The following NTMT2 variants were observed in gnomAD, a reference collection of about 807,000 sequenced individuals.
The protein encoded by NTMT2 is N-terminal Xaa-Pro-Lys N-methyltransferase 2.
NTMT2 carries 21 observed loss-of-function variants against 23.4 expected under a neutral mutation model. The observed-to-expected ratio is 0.90, with a 90% CI of 0.64 to 1.29. NTMT2 has a LOEUF of 1.29. Among genes scored for constraint, NTMT2 ranks in the 50% most tolerant of loss-of-function variants. NTMT2 has a pLI of 0.00. For synonymous variants in NTMT2, 131 were observed against 127.7 expected (o/e 1.03, Z -0.17); for missense variants, 336 against 352.0 (o/e 0.95, Z 0.36).
chr1:170,152,715 C>CT (rs942542735), intron 1 of NTMT2, among the ~76,000 whole-genome samples: 4 of 152,056 alleles, frequency 2.6e-5, no homozygotes, highest in South Asian at 4.1e-4. Flanking sequence ...AAATCCCCCC[C>CT]CCACCACCAT....
rs1297735989 is a variant in NTMT2 at position 170,160,569 on chromosome 1, A to G, written c.206A>G (p.Tyr69Cys). The change falls in exon 2 of 4, where the codon TAT becomes TGT. Residue 69 changes from tyrosine to cysteine, a missense_variant. Coordinates refer to ENST00000439373, the MANE Select transcript of NTMT2 (RefSeq NM_001136107.2). Reference protein sequence around the residue: ...SQVINGEMQFYARAKLFYQEV... With the variant: ...SQVINGEMQFCARAKLFYQEV... The stretch of plus-strand genomic sequence containing the variant: ...GTCATCAATGGTGAGATGCAGTTCT[A>G]TGCCAGAGCTAAACTTTTCTACCAA... The G allele has an allele frequency of 7.7e-6, 12 of 1,551,204 alleles. No homozygotes were observed. In the African/African-American group the frequency reaches 1.6e-4, roughly 21 times the overall value.
intron 2 of NTMT2, among the ~76,000 whole-genome samples, chr1:170,165,675 C>G (rs1215462654): frequency 2.0e-5 from 3 of 152,146 alleles, no homozygotes; most frequent in Non-Finnish European, 4.4e-5. Flanking sequence ...TTGAATGAAT[C>G]TTTAATTTTA....
chr1:170,149,867 G>T (rs572343189), intron 1 of NTMT2, among the ~76,000 whole-genome samples: 1 of 152,218 alleles, frequency 6.6e-6, no homozygotes, highest in South Asian at 2.1e-4. Flanking sequence ...TACCAAAAAC[G>T]ATAAACTTAA....
chr1:170,157,204 C>T (rs983890633), intron 1 of NTMT2, among the ~76,000 whole-genome samples: 2 of 152,096 alleles, frequency 1.3e-5, no homozygotes, highest in Admixed American at 1.3e-4. Flanking sequence ...TGGTGTTGAT[C>T]CATGGTTCTC....
chr1:170,156,742 A>G (rs956587765), intron 1 of NTMT2, among the ~76,000 whole-genome samples: 2 of 149,306 alleles, frequency 1.3e-5, no homozygotes, highest in African/African-American at 4.9e-5. Context: ...TTTTTTTTTT[A>G]GTGAAATGCT....
intron 1 of NTMT2, among the ~76,000 whole-genome samples, chr1:170,155,175 A>G (rs562022778): frequency 2.6e-5 from 4 of 152,276 alleles, no homozygotes; most frequent in Admixed American, 2.6e-4. Flanking sequence ...TCTTTTCTTT[A>G]TAAATTACTC....
chr1:170,155,473 C>A (rs1673147935), intron 1 of NTMT2, among the ~76,000 whole-genome samples: 1 of 151,750 alleles, frequency 6.6e-6, no homozygotes, highest in African/African-American at 2.4e-5. Flanking sequence ...TACTTATCTG[C>A]AAATCTCTTT....
At chr1:170,147,691 GATATCA>G (rs1672992410) in intron 1 of NTMT2, among the ~76,000 whole-genome samples, 1 of 152,166 alleles carries the variant, frequency 6.6e-6, no homozygotes, top group African/African-American at 2.4e-5. Context: ...ACTGGAGAAA[GATATCA>G]ATTACAACAG....
intron 3 of NTMT2, 127 bp from the exon 4 acceptor site, chr1:170,167,359 T>G (rs1159643650): frequency 8.3e-6 from 7 of 839,308 alleles, no homozygotes; most frequent in East Asian, 5.4e-5. Context: ...TGTAACTAAA[T>G]GAGGCTATTA....
intron 1 of NTMT2, among the ~76,000 whole-genome samples, chr1:170,157,725 G>T (rs1014786314): frequency 4.6e-5 from 7 of 152,198 alleles, no homozygotes; most frequent in African/African-American, 1.7e-4. Flanking sequence ...TCAAATTTAT[G>T]TCATATTTTG....
chr1:170,159,125 T>A (rs1402235206), intron 1 of NTMT2, among the ~76,000 whole-genome samples: 1 of 152,152 alleles, frequency 6.6e-6, no homozygotes, highest in Non-Finnish European at 1.5e-5. Context: ...ACTTGTCCCC[T>A]AAATAGAAAG....
intron 1 of NTMT2, among the ~76,000 whole-genome samples, chr1:170,154,414 C>T (rs1274881788): frequency 6.6e-6 from 1 of 152,158 alleles, no homozygotes; most frequent in African/African-American, 2.4e-5. Flanking sequence ...TTTACAACCT[C>T]AGTATGGACT....
chr1:170,154,362 G>A (rs923917639), intron 1 of NTMT2, among the ~76,000 whole-genome samples: 5 of 124,072 alleles, frequency 4.0e-5, no homozygotes, highest in African/African-American at 1.0e-4. Context: ...TCAGAAGGGG[G>A]TCAACTGCCT....
intron 3 of NTMT2, among the ~76,000 whole-genome samples, chr1:170,167,170 AC>A (rs1177118265): frequency 1.3e-5 from 2 of 152,190 alleles, no homozygotes; most frequent in Non-Finnish European, 2.9e-5. Context: ...TGTGTGAGAC[AC>A]AAAGAAGTGG....
intron 1 of NTMT2, among the ~76,000 whole-genome samples, chr1:170,157,128 A>C (rs1215231709): frequency 6.6e-6 from 1 of 152,020 alleles, no homozygotes; most frequent in Non-Finnish European, 1.5e-5. Flanking sequence ...ATCCCTGTTG[A>C]ATTTATAAGC....
intron 3 of NTMT2, 27 bp from the exon 4 acceptor site, chr1:170,167,459 C>A: frequency 1.3e-6 from 2 of 1,518,324 alleles, no homozygotes; most frequent in South Asian, 2.6e-5. Context: ...TCTTCCTGTT[C>A]CCCCATCCAC....
intron 2 of NTMT2, among the ~76,000 whole-genome samples, chr1:170,162,419 T>TA (rs1673291519): frequency 6.6e-6 from 1 of 152,190 alleles, no homozygotes; most frequent in Non-Finnish European, 1.5e-5. Context: ...TGACAGTAGA[T>TA]AAAAATGTGA....
intron 1 of NTMT2, among the ~76,000 whole-genome samples, chr1:170,156,655 T>A (rs1387286395): frequency 6.6e-6 from 1 of 152,120 alleles, no homozygotes. Flanking sequence ...GGTTTACTTA[T>A]CTGAGTCAAT....
intron 1 of NTMT2, among the ~76,000 whole-genome samples, chr1:170,159,673 G>A (rs150851349): frequency 1.3e-4 from 20 of 152,178 alleles, no homozygotes; most frequent in African/African-American, 3.4e-4. Flanking sequence ...GGGAGGGAGA[G>A]AAGACAAATG....
Sources: allele counts gnomAD v4.1 joint callset (sites outside exome capture counted in the v4.1 genomes callset), GRCh38; gene constraint gnomAD v4.1.1; transcripts MANE v1.5; gene names NCBI Gene and HGNC (gene_info 2026-07-23, HGNC 2026-07-21).